Variants in IZUMO1 observed in about 807,000 individuals in gnomAD.
The protein encoded by IZUMO1 is izumo sperm-egg fusion protein 1.
In IZUMO1, 44 loss-of-function variants were observed where a neutral mutation model predicts 40.7. The ratio of observed to expected loss-of-function variants is 1.08; its 90% CI spans 0.85 to 1.39. The LOEUF (loss-of-function observed/expected upper bound fraction) is 1.39. Among genes scored for constraint, IZUMO1 ranks in the 40% most tolerant of loss-of-function variants. The pLI is 0.00. For missense variants in IZUMO1, 368 were observed against 436.9 expected (o/e 0.84, Z 1.41); for synonymous variants, 149 against 170.9 (o/e 0.87, Z 1.00).
At chr19:48,743,778 G>A in intron 5 of IZUMO1, 1 of 534,906 alleles carries the variant, frequency 1.9e-6, no homozygotes. Context: ...GGATCACAAG[G>A]TCAGGAGTTC....
chr19:48,745,187 G>A, intron 3 of IZUMO1, 27 bp downstream of exon 3: 1 of 1,591,278 alleles, frequency 6.3e-7, no homozygotes, highest in Non-Finnish European at 8.6e-7. Context: ...GAGAGATTCG[G>A]GACTCCCACC....
At chr19:48,745,051 T>G (rs898033059) in intron 3 of IZUMO1, among the ~76,000 whole-genome samples, 163 bp downstream of exon 3, 2 of 152,048 alleles carry the variant, frequency 1.3e-5, no homozygotes, top group Non-Finnish European at 2.9e-5. Flanking sequence ...CCAAGGGAGC[T>G]TCAAAGTCCT....
Position 48,745,861 on chromosome 19 carries a change from G to A in IZUMO1, c.-2C>T. Reference sequence around the variant, plus strand: ...CAGGAGGGTAAAATGCGGCCCCATTGCAGCCGGCGCGCACAGTTCCCGAAG... The same window carrying A: ...CAGGAGGGTAAAATGCGGCCCCATTACAGCCGGCGCGCACAGTTCCCGAAG... On this transcript the variant is annotated 5_prime_UTR_variant, in exon 2 of 10. Coordinates refer to ENST00000332955, the MANE Select transcript of IZUMO1 (RefSeq NM_182575.3). 2 of 1,614,078 alleles carry A rather than the reference G, an allele frequency of 1.2e-6. No individual in the cohort carries two copies. The highest frequency in any genetic ancestry group is 1.7e-6 in the Non-Finnish European group (2 of 1,180,010).
chr19:48,741,814 G>C lies in IZUMO1; in HGVS notation c.729C>G (p.Ala243=). Residue 243 remains alanine (A), a synonymous_variant, in exon 8 of 10, where the codon GCC becomes GCG. Coordinates refer to ENST00000332955, the MANE Select transcript of IZUMO1 (RefSeq NM_182575.3). This position sits in a 1 kb window ranked among gnomAD's most constrained non-coding sequence, Gnocchi z 4.4. Reference sequence around the variant, plus strand: ...CTGTGACGTGAAAATTGATGATCGTGGCTGGGCTGGAATTCACAGAGCCCA... The same window carrying C: ...CTGTGACGTGAAAATTGATGATCGTCGCTGGGCTGGAATTCACAGAGCCCA... ...CELGSVNSSP[A]TIINFHVTVL... The C allele has an allele frequency of 6.3e-7, 1 of 1,598,372 alleles. No individual in the cohort carries two copies. Among genetic ancestry groups the C allele is most frequent in the Non-Finnish European group, 8.6e-7 (1 of 1,168,846 alleles).
chr19:48,745,466 G>T, intron 2 of IZUMO1, 159 bp downstream of exon 2: 1 of 1,066,994 alleles, frequency 9.4e-7, no homozygotes, highest in Non-Finnish European at 1.4e-6. Context: ...CCGAGGATAG[G>T]GAAAACGGTA....
chr19:48,743,225 G>T (rs534591301), intron 6 of IZUMO1: 3 of 566,600 alleles, frequency 5.3e-6, no homozygotes, highest in Non-Finnish European at 9.5e-6. Flanking sequence ...ATAGAGTCTC[G>T]CTATGTTGCC....
chr19:48,741,425 C>G lies in IZUMO1; in HGVS notation c.808G>C (p.Gly270Arg). ...ATGGACGACTCCGTGGTCGCCTCCC[C>G]CGGGGTTACGATATTTGGAGAAGGT... ...EKPSPNIVTP[G>R]EATTESSISL... The change falls in exon 9 of 10, where the codon GGG (glycine) becomes CGG (arginine). Residue 270 changes from glycine to arginine, a missense_variant. Coordinates refer to ENST00000332955, the MANE Select transcript of IZUMO1 (RefSeq NM_182575.3). The surrounding 1 kb of genome is among the most constrained non-coding windows in gnomAD (Gnocchi z 4.4). The G allele has an allele frequency of 6.2e-7, 1 of 1,613,370 alleles. No homozygotes were observed. Among genetic ancestry groups the G allele is most frequent in the Non-Finnish European group, 8.5e-7 (1 of 1,179,522 alleles).
At chr19:48,744,566 C>A in intron 3 of IZUMO1, 27 bp from the exon 4 acceptor site, 1 of 1,537,950 alleles carries the variant, frequency 6.5e-7, no homozygotes, top group Non-Finnish European at 9.0e-7. Flanking sequence ...ACCCCCAATC[C>A]CACGTGTGAG....
In IZUMO1 at chr19:48,746,848, C is replaced by A. The variant is rs1010382410; in HGVS notation, c.-487G>T. 3.0e-6 allele frequency: 3 copies of A among 985,296 alleles called. No homozygotes were observed. Among genetic ancestry groups the A allele is most frequent in the South Asian group, 4.7e-5 (1 of 21,288 alleles). The allele number at this position is 985,296 out of a possible 1,614,324, so 61.0% of individuals were successfully genotyped here. On this transcript the variant is annotated 5_prime_UTR_variant, in exon 1 of 10. Coordinates refer to ENST00000332955, the MANE Select transcript of IZUMO1 (RefSeq NM_182575.3). ...CGGACGATCCCCTCTCCACAAGGAA[C>A]TCCTGAAACCACCCCCTCCGAGCTT...
At chr19:48,745,139 T>C (rs1285813220) in intron 3 of IZUMO1, 75 bp downstream of exon 3, 10 of 1,261,738 alleles carry the variant, frequency 7.9e-6, no homozygotes, top group Non-Finnish European at 1.2e-5. Flanking sequence ...GCCTAGTATC[T>C]GACCAAGAGA....
At position 48,746,858 on chromosome 19, in the gene IZUMO1, C is replaced by T; in HGVS notation, c.-497G>A. 1.0e-6 allele frequency: 1 copy of T among 985,428 alleles called. No homozygotes were observed. The highest frequency in any genetic ancestry group is 1.2e-6 in the Non-Finnish European group (1 of 829,924). The allele number at this position is 985,428 out of a possible 1,614,324, so 61.0% of individuals were successfully genotyped here. A position where few individuals can be genotyped will look rare whatever the true frequency, so the allele number is the denominator to read the frequency against. ...CCTCTCCACAAGGAACTCCTGAAAC[C>T]ACCCCCTCCGAGCTTCTCACGTAGG... On this transcript the variant is annotated 5_prime_UTR_variant, in exon 1 of 10. Coordinates refer to ENST00000332955, the MANE Select transcript of IZUMO1 (RefSeq NM_182575.3).
At chr19:48,744,398 ACT>A in intron 4 of IZUMO1, 53 bp downstream of exon 4, 1 of 1,387,514 alleles carries the variant, frequency 7.2e-7, no homozygotes, top group Non-Finnish European at 1.0e-6. Context: ...GGAGACAAGG[ACT>A]CTTGGATAGT....
At chr19:48,743,913 C>A in intron 5 of IZUMO1, 1 of 499,626 alleles carries the variant, frequency 2.0e-6, no homozygotes, top group Non-Finnish European at 3.6e-6. Flanking sequence ...ATAGTTTGAA[C>A]CTGGGAGGTG....
intron 6 of IZUMO1, among the ~76,000 whole-genome samples, chr19:48,742,814 G>A (rs1485614290): frequency 2.3e-5 from 3 of 130,588 alleles, no homozygotes; most frequent in Non-Finnish European, 3.1e-5. Context: ...TACAACCTTC[G>A]CCTCCTGAGT....
At chr19:48,745,143 C>T (rs971046547) in intron 3 of IZUMO1, 71 bp downstream of exon 3, 7 of 1,289,746 alleles carry the variant, frequency 5.4e-6, no homozygotes, top group African/African-American at 1.5e-5. Flanking sequence ...AGTATCTGAC[C>T]AAGAGACCAG....
chr19:48,745,793 C>G lies in IZUMO1; in HGVS notation c.67G>C (p.Val23Leu), dbSNP rs149121500. Residue 23 changes from valine (V) to leucine (L), a missense_variant, in exon 2 of 10, where the codon GTT (valine) becomes CTT (leucine). Val to Leu is a conservative substitution (Grantham distance 32). Coordinates refer to ENST00000332955, the MANE Select transcript of IZUMO1 (RefSeq NM_182575.3). ...AGCACGACAGACGGGTCACATATAA[C>G]ACACCCCTCGGCAGGAAGCAAGCAA... ...AGCLLPAEGC[V>L]ICDPSVVLAL... The G allele has an allele frequency of 2.2e-5, 35 of 1,614,088 alleles. No individual in the cohort carries two copies. The South Asian group carries it at 3.6e-4, about 17-fold the overall frequency.
At chr19:48,746,353 AT>A (rs1206973906) in intron 1 of IZUMO1, 81 bp downstream of exon 1, 4 of 1,009,904 alleles carry the variant, frequency 4.0e-6, no homozygotes, top group Middle Eastern at 5.0e-4. Context: ...TGAAGATTCA[AT>A]GCCCAAACCA....
chr19:48,745,266 C>G lies in IZUMO1; in HGVS notation c.258G>C (p.Gly86=). 1.2e-6 allele frequency: 2 copies of G among 1,614,022 alleles called. No homozygotes were observed. The highest frequency in any genetic ancestry group is 1.1e-5 in the South Asian group (1 of 91,072). ...GVVDEATLQK[G]SWSLLKDLKR... Reference sequence around the variant, plus strand: ...TCAGATCCTTCAGCAAACTCCAGGACCCCTTTTGCAGTGTGGCCTCATCTG... The same window carrying G: ...TCAGATCCTTCAGCAAACTCCAGGAGCCCTTTTGCAGTGTGGCCTCATCTG... Residue 86 remains glycine (G), a synonymous_variant, in exon 3 of 10, where the codon GGG becomes GGC. Transcript: ENST00000332955.
chr19:48,741,238 G>T lies in IZUMO1; in HGVS notation c.932+63C>A. The T allele has an allele frequency of 6.7e-7, 1 of 1,491,998 alleles. No homozygotes were observed. The highest frequency in any genetic ancestry group is 1.3e-5 in the South Asian group (1 of 79,332). 92.4% of individuals were successfully genotyped at this position (1,491,998 alleles called of 1,614,324 possible). A position where few individuals can be genotyped will look rare whatever the true frequency, so the allele number is the denominator to read the frequency against. On this transcript the variant is annotated intron_variant, in intron 9 of 9. Transcript: ENST00000332955. The surrounding 1 kb of genome is among the most constrained non-coding windows in gnomAD (Gnocchi z 4.4). ...TAGCCCCCAGACCAGCTTCTGTGTT[G>T]GGTTCCTGGAAGCCCCGCCCCTTAC...
Sources: allele counts gnomAD v4.1 joint callset (sites outside exome capture counted in the v4.1 genomes callset), GRCh38; gene constraint gnomAD v4.1.1; non-coding constraint Gnocchi (gnomAD v3.1); transcripts MANE v1.5; gene names NCBI Gene and HGNC (gene_info 2026-07-23, HGNC 2026-07-21).